The following SNRNP70 variants were observed in gnomAD, a reference collection of about 807,000 sequenced individuals.
The protein encoded by SNRNP70 is U1 small nuclear ribonucleoprotein 70 kDa.
In SNRNP70, 8 loss-of-function variants were observed where a neutral mutation model predicts 50.5. The observed-to-expected ratio is 0.16, with a 90% confidence interval of 0.09 to 0.29. SNRNP70 has a LOEUF of 0.29. Ranked by LOEUF, SNRNP70 falls within the 10% of genes least tolerant of loss-of-function variation. The pLI is 1.00. For missense variants in SNRNP70, 529 were observed against 663.5 expected, an observed-to-expected ratio of 0.80 and a Z score of 2.23; for synonymous variants, 320 against 252.9, an observed-to-expected ratio of 1.27 and a Z score of -2.52.
chr19:49,103,336 C>G (rs1355285267), intron 7 of SNRNP70: 1 of 152,570 alleles, frequency 6.6e-6, no homozygotes, highest in East Asian at 1.9e-4. Flanking sequence ...CTGCCTGTCT[C>G]CAGGTGGTAC....
intron 4 of SNRNP70, among the ~76,000 whole-genome samples, chr19:49,093,579 T>C (rs561674383): frequency 2.1e-5 from 3 of 146,068 alleles, no homozygotes; most frequent in Non-Finnish European, 4.5e-5. Flanking sequence ...CTCGGGAGGC[T>C]GAGGCAAGAG....
chr19:49,085,574 G>C lies in SNRNP70; in HGVS notation c.-73G>C, dbSNP rs893927079. On this transcript the variant is annotated 5_prime_UTR_variant, in exon 1 of 10. Transcript: ENST00000598441. ...AGCCGAAGCAGGAGTTGTTGTTGCT[G>C]AGGGGCTGCCGCAGCCGCCGCGAGC... 1 of 455,968 alleles carries C rather than the reference G, an allele frequency of 2.2e-6. No homozygotes were observed. The highest frequency in any genetic ancestry group is 2.0e-5 in the African/African-American group (1 of 50,090). 28.2% of individuals were successfully genotyped at this position (455,968 alleles called of 1,614,324 possible). A position where few individuals can be genotyped will look rare whatever the true frequency, so the allele number is the denominator to read the frequency against.
rs2040631790 is a variant in SNRNP70, at chr19:49,104,139, CCA to C, written c.476-494_476-493del. The C allele has an allele frequency of 6.6e-6, 1 of 151,872 alleles. No individual in the cohort carries two copies. The highest frequency in any genetic ancestry group is 2.4e-5 in the African/African-American group (1 of 41,012). The allele number at this position is 151,872 out of a possible 1,614,324, so 9.4% of individuals were successfully genotyped here. ...CTGTTCCCCCCACACTCACCCCCCT[CCA>C]AAAAAAACAAAAACAGAAAAAACCG... On this transcript the variant is annotated intron_variant, in intron 7 of 9. Coordinates refer to ENST00000598441, the MANE Select transcript of SNRNP70 (RefSeq NM_003089.6). The surrounding 1 kb of genome is among the most constrained non-coding windows in gnomAD (Gnocchi z 5.4).
In SNRNP70 at chr19:49,099,807, C is replaced by T. The variant is rs564541239; in HGVS notation, c.393+1103C>T. On this transcript the variant is annotated intron_variant, in intron 6 of 9. Coordinates refer to ENST00000598441, the MANE Select transcript of SNRNP70 (RefSeq NM_003089.6). ...CCTGTAATCCCACATGTTGGGAGGG[C>T]GAGGCAGGCAGATCACCTGAGGTCA... is the stretch of plus-strand genomic sequence containing the variant. 2.0e-5 allele frequency among the ~76,000 whole-genome samples: 3 copies of T among 151,774 alleles called. No homozygotes were observed. The East Asian group carries it at 5.8e-4, about 29-fold the overall frequency.
chr19:49,088,184 C>A (rs372014752), intron 2 of SNRNP70, among the ~76,000 whole-genome samples: 2 of 148,760 alleles, frequency 1.3e-5, no homozygotes, highest in Non-Finnish European at 3.0e-5. Context: ...AGCCACCATG[C>A]CTGGGAGCCA....
intron 4 of SNRNP70, among the ~76,000 whole-genome samples, chr19:49,092,250 A>C (rs1383488485): frequency 6.6e-6 from 1 of 152,084 alleles, no homozygotes; most frequent in Non-Finnish European, 1.5e-5. Flanking sequence ...CTGGGACTAC[A>C]GGCGTGCGTC....
At chr19:49,092,184 C>T (rs1280764541) in intron 4 of SNRNP70, among the ~76,000 whole-genome samples, 1 of 152,202 alleles carries the variant, frequency 6.6e-6, no homozygotes, top group Non-Finnish European at 1.5e-5. Context: ...TCTTGGCTCA[C>T]TGCACCCTCC....
intron 4 of SNRNP70, among the ~76,000 whole-genome samples, chr19:49,094,632 A>G (rs1260431898): frequency 6.6e-6 from 1 of 152,140 alleles, no homozygotes; most frequent in Non-Finnish European, 1.5e-5. Context: ...CATAATAGAA[A>G]AGAAATAAAA....
intron 1 of SNRNP70, among the ~76,000 whole-genome samples, chr19:49,086,042 C>T (rs528136325): frequency 1.4e-4 from 22 of 152,290 alleles, no homozygotes; most frequent in African/African-American, 4.1e-4. Context: ...TCGTAATTTG[C>T]CCTCCACGGC....
chr19:49,090,208 T>A, intron 2 of SNRNP70, 83 bp from the exon 3 acceptor site: 1 of 1,237,338 alleles, frequency 8.1e-7, no homozygotes. Flanking sequence ...GGTGGGAGGG[T>A]TAACCTGTTT....
At chr19:49,086,308 T>G in intron 1 of SNRNP70, 97 bp from the exon 2 acceptor site, 1 of 1,386,748 alleles carries the variant, frequency 7.2e-7, no homozygotes, top group Non-Finnish European at 9.8e-7. Flanking sequence ...TTCCGAGACT[T>G]TTCTCCTGTC....
intron 5 of SNRNP70, 27 bp from the exon 6 acceptor site, chr19:49,098,614 AT>A: frequency 6.2e-7 from 1 of 1,611,226 alleles, no homozygotes; most frequent in Non-Finnish European, 8.5e-7. Context: ...CTGTTCTCCC[AT>A]TTAACGTCAT....
At chr19:49,101,522 C>G (rs773799795) in intron 7 of SNRNP70, 51 bp downstream of exon 7, 1 of 1,312,474 alleles carries the variant, frequency 7.6e-7, no homozygotes, top group Non-Finnish European at 1.1e-6. Context: ...CACTTCTCTG[C>G]TGCCCCAGCC....
At chr19:49,099,412 C>T (rs886434230) in intron 6 of SNRNP70, among the ~76,000 whole-genome samples, 7 of 151,982 alleles carry the variant, frequency 4.6e-5, no homozygotes, top group Middle Eastern at 3.4e-3. Context: ...ATAGCAAGAC[C>T]CCGTTCTCCA....
chr19:49,106,096 TG>T (rs2040664940), intron 8 of SNRNP70, among the ~76,000 whole-genome samples: 1 of 152,208 alleles, frequency 6.6e-6, no homozygotes, highest in Non-Finnish European at 1.5e-5. Flanking sequence ...CCCTGTGTCC[TG>T]GCTCTGGACT....
chr19:49,104,899 C>G lies in SNRNP70; in HGVS notation c.577+164C>G, dbSNP rs113599802. Among the ~76,000 whole-genome samples, 352 of 152,326 alleles carry G rather than the reference C, an allele frequency of 2.3e-3. 2 individuals are homozygous for G. The highest frequency in any genetic ancestry group is 8.2e-3 in the African/African-American group (341 of 41,564). On this transcript the variant is annotated intron_variant, in intron 8 of 9. Coordinates refer to ENST00000598441, the MANE Select transcript of SNRNP70 (RefSeq NM_003089.6). This position sits in a 1 kb window ranked among gnomAD's most constrained non-coding sequence, Gnocchi z 5.4. The stretch of plus-strand genomic sequence containing the variant: ...CTTGTGGCCATCACATTTCTGACAG[C>G]TGCCTGCCTCCTCGTTCTGGGTTAC...
At position 49,107,485 on chromosome 19, in the gene SNRNP70, A is replaced by G. The variant is rs2040687420; in HGVS notation, c.578-140A>G. The G allele has an allele frequency of 4.2e-6, 3 of 719,684 alleles. No homozygotes were observed. The Admixed American group carries it at 7.5e-5, about 18-fold the overall frequency. The allele number at this position is 719,684 out of a possible 1,614,324, so 44.6% of individuals were successfully genotyped here. The stretch of plus-strand genomic sequence containing the variant: ...CTTGTGATGGGAGTGCGCGGGATGA[A>G]CTGCACGGGGGGACCCGGCCCTGTG... On this transcript the variant is annotated intron_variant, in intron 8 of 9. Transcript: ENST00000598441. This position sits in a 1 kb window ranked among gnomAD's most constrained non-coding sequence, Gnocchi z 6.0.
intron 2 of SNRNP70, among the ~76,000 whole-genome samples, chr19:49,086,976 A>G (rs867876806): frequency 2.0e-5 from 3 of 151,892 alleles, no homozygotes; most frequent in African/African-American, 7.3e-5. Context: ...ACTTGAGGTG[A>G]GGAGTTGAAG....
chr19:49,100,619 A>T (rs374438360), intron 6 of SNRNP70, among the ~76,000 whole-genome samples: 10 of 152,180 alleles, frequency 6.6e-5, no homozygotes, highest in African/African-American at 2.4e-4. Context: ...AGCCTGGCCA[A>T]CATGGTGAAA....
Sources: gnomAD v4.1 joint callset for allele counts (sites outside exome capture counted in the v4.1 genomes callset) on GRCh38, gnomAD v4.1.1 for gene constraint, Gnocchi (gnomAD v3.1) non-coding constraint, MANE v1.5 for transcripts, NCBI Gene and HGNC (gene_info 2026-07-23, HGNC 2026-07-21) for gene names.